Variants in GRIN2B observed in about 807,000 individuals in gnomAD.
The protein encoded by GRIN2B is glutamate receptor ionotropic, NMDA 2B.
GRIN2B carries 5 observed loss-of-function variants against 114.5 expected under a neutral mutation model. The ratio of observed to expected loss-of-function variants is 0.04; its 90% CI spans 0.02 to 0.09. The LOEUF (loss-of-function observed/expected upper bound fraction) is 0.09. Among genes scored for constraint, GRIN2B ranks in the 10% least tolerant of loss-of-function variants. The probability of loss-of-function intolerance (pLI) is 1.00; values close to 1 mark genes in which losing one functional copy is unlikely to be tolerated. For synonymous variants in GRIN2B, 787 were observed against 745.1 expected (o/e 1.06, Z -0.92); for missense variants, 1,108 against 1,943.5 (o/e 0.57, Z 8.08).
At chr12:13,684,842 C>G (rs534294610) in intron 4 of GRIN2B, among the ~76,000 whole-genome samples, 1 of 152,286 alleles carries the variant, frequency 6.6e-6, no homozygotes, top group East Asian at 1.9e-4. Context: ...TGATCACTGA[C>G]TACGTTATCT....
chr12:13,845,413 C>T (rs925521051), intron 3 of GRIN2B, among the ~76,000 whole-genome samples: 1 of 152,108 alleles, frequency 6.6e-6, no homozygotes, highest in African/African-American at 2.4e-5. Context: ...TTTCAGTTTG[C>T]CCTTGTCCTC....
chr12:13,618,144 T>C (rs944685218), intron 5 of GRIN2B, among the ~76,000 whole-genome samples: 14 of 152,230 alleles, frequency 9.2e-5, no homozygotes, highest in African/African-American at 3.4e-4. Flanking sequence ...TTTTTTCTCA[T>C]ATTGCTAAGA....
chr12:13,591,405 C>T (rs1949007598), intron 10 of GRIN2B, among the ~76,000 whole-genome samples: 1 of 152,214 alleles, frequency 6.6e-6, no homozygotes, highest in East Asian at 1.9e-4. Flanking sequence ...ATGCTTGAGG[C>T]ACTCTTCTAA....
chr12:13,625,838 C>T (rs577824939), intron 5 of GRIN2B, among the ~76,000 whole-genome samples: 19 of 152,260 alleles, frequency 1.2e-4, no homozygotes, highest in African/African-American at 3.9e-4. Flanking sequence ...TCCAAAGAGT[C>T]CCATTGAGCG....
chr12:13,616,960 T>G (rs1466040260), intron 5 of GRIN2B, among the ~76,000 whole-genome samples: 3 of 152,212 alleles, frequency 2.0e-5, no homozygotes, highest in African/African-American at 7.2e-5. Flanking sequence ...CTATCCTTCA[T>G]GAAGCTCACA....
intron 3 of GRIN2B, among the ~76,000 whole-genome samples, chr12:13,817,382 G>A (rs936655111): frequency 4.6e-5 from 7 of 152,222 alleles, no homozygotes; most frequent in East Asian, 1.9e-4. Flanking sequence ...GCAGATGCTC[G>A]GGAACTCGAC....
chr12:13,615,451 T>TAAATGA lies in GRIN2B; in HGVS notation c.1500+36_1500+41dup. Reference sequence around the variant, plus strand: ...AAACTTATATTTAGAAGAAGGAAAATAAATGAAAATGGAAATGGAAACAGC... The same window carrying TAAATGA: ...AAACTTATATTTAGAAGAAGGAAAATAAATGAAAATGAAAATGGAAATGGAAACAGC... On this transcript the variant is annotated intron_variant, in intron 7 of 13. Coordinates refer to ENST00000609686, the MANE Select transcript of GRIN2B (RefSeq NM_000834.5). This position sits in a 1 kb window ranked among gnomAD's most constrained non-coding sequence, Gnocchi z 5.8. 1 of 1,556,242 alleles carries TAAATGA rather than the reference T, an allele frequency of 6.4e-7. No homozygotes were observed. The highest frequency in any genetic ancestry group is 8.9e-7 in the Non-Finnish European group (1 of 1,127,214).
rs1266575520 is a variant in GRIN2B, at chr12:13,546,593, C to T, written c.*16190G>A. The stretch of plus-strand genomic sequence containing the variant: ...CATTTCTCAGAACCAAGCTTTTTGT[C>T]TGCTTGTCACTGAATCTATTTCCCA... On this transcript the variant is annotated 3_prime_UTR_variant, in exon 14 of 14. Coordinates refer to ENST00000609686, the MANE Select transcript of GRIN2B (RefSeq NM_000834.5). 2 of 152,010 alleles carry T rather than the reference C, an allele frequency of 1.3e-5. No individual in the cohort carries two copies. The highest frequency in any genetic ancestry group is 4.8e-5 in the African/African-American group (2 of 41,374). The allele number at this position is 152,010 out of a possible 1,614,324, so 9.4% of individuals were successfully genotyped here. A position where few individuals can be genotyped will look rare whatever the true frequency, so the allele number is the denominator to read the frequency against.
At chr12:13,954,814 A>AAAAAAAAAAAAAAAAC (rs1867557365) in intron 2 of GRIN2B, among the ~76,000 whole-genome samples, 2 of 145,610 alleles carry the variant, frequency 1.4e-5, no homozygotes, top group East Asian at 2.0e-4. Context: ...GTCTCAGGAA[A>AAAAAAAAAAAAAAAAC]AAAAAAAAAA....
chr12:13,927,549 G>A (rs1244838232), intron 2 of GRIN2B, among the ~76,000 whole-genome samples: 1 of 152,116 alleles, frequency 6.6e-6, no homozygotes, highest in African/African-American at 2.4e-5. Context: ...TAGCAGACCA[G>A]ATTTGGCCTA....
At chr12:13,672,608 CT>C (rs950368324) in intron 5 of GRIN2B, among the ~76,000 whole-genome samples, 31 of 152,164 alleles carry the variant, frequency 2.0e-4, no homozygotes, top group Non-Finnish European at 5.9e-5. Flanking sequence ...CAGGTGAGCC[CT>C]AATAGAAGCC....
chr12:13,804,658 A>G (rs943919402), intron 3 of GRIN2B, among the ~76,000 whole-genome samples: 2 of 152,106 alleles, frequency 1.3e-5, no homozygotes, highest in Non-Finnish European at 1.5e-5. Context: ...CTGATTTCCT[A>G]TATAACACTT....
chr12:13,570,810 A>T (rs906803247), intron 11 of GRIN2B, among the ~76,000 whole-genome samples: 4 of 152,224 alleles, frequency 2.6e-5, no homozygotes, highest in African/African-American at 9.6e-5. Flanking sequence ...CCTTACAGGC[A>T]ATAGAGAGGT....
At chr12:13,605,943 G>A (rs1008612874) in intron 10 of GRIN2B, among the ~76,000 whole-genome samples, 2 of 152,112 alleles carry the variant, frequency 1.3e-5, no homozygotes. Flanking sequence ...ACGGTGACAT[G>A]ATCTCACCAT....
In GRIN2B at chr12:13,605,520, GTCTC is replaced by G. The variant is rs3081918; in HGVS notation, c.2010+3079_2010+3082del. Among the ~76,000 whole-genome samples, 28 of 115,020 alleles carry G rather than the reference GTCTC, an allele frequency of 2.4e-4. No individual in the cohort carries two copies. The East Asian group carries it at 2.9e-3, about 12-fold the overall frequency. The allele number at this position is 115,020 out of a possible 152,430, so 75.5% of individuals were successfully genotyped here. On this transcript the variant is annotated intron_variant, in intron 10 of 13. Coordinates refer to ENST00000609686, the MANE Select transcript of GRIN2B (RefSeq NM_000834.5). ...GAAATTATTTGCAAAGGTCTTGAAA[GTCTC>G]TCTCTCTCTCTCTCTCTCTCTCTCT...
rs1396343881 is a variant in GRIN2B, at chr12:13,827,832, C to A, written c.411+37966G>T. On this transcript the variant is annotated intron_variant, in intron 3 of 13. Transcript: ENST00000609686. The stretch of plus-strand genomic sequence containing the variant: ...AAGTAGCTGGAACTACAGGCGCATG[C>A]CACCACTCCCGGCTAATTTTTGTAT... 5.3e-5 allele frequency among the ~76,000 whole-genome samples: 8 copies of A among 152,274 alleles called. No individual in the cohort carries two copies. In the South Asian group the frequency reaches 1.2e-3, roughly 24 times the overall value.
At chr12:13,939,336 T>C (rs932470504) in intron 2 of GRIN2B, among the ~76,000 whole-genome samples, 1 of 152,062 alleles carries the variant, frequency 6.6e-6, no homozygotes, top group Admixed American at 6.6e-5. Context: ...CTTTCATGAA[T>C]GGTTTGGTGC....
At chr12:13,646,245 C>T (rs1949760702) in intron 5 of GRIN2B, among the ~76,000 whole-genome samples, 1 of 152,160 alleles carries the variant, frequency 6.6e-6, no homozygotes, top group Non-Finnish European at 1.5e-5. Context: ...ACTCTCCTTG[C>T]TAAGCTTTTC....
At chr12:13,755,093 G>A (rs903682233) in intron 3 of GRIN2B, among the ~76,000 whole-genome samples, 6 of 152,044 alleles carry the variant, frequency 3.9e-5, no homozygotes, top group Non-Finnish European at 8.8e-5. Context: ...CCATTTTATA[G>A]CAATCCAGGC....
Sources: allele counts gnomAD v4.1 joint callset (sites outside exome capture counted in the v4.1 genomes callset), GRCh38; gene constraint gnomAD v4.1.1; non-coding constraint Gnocchi (gnomAD v3.1); transcripts MANE v1.5; gene names NCBI Gene and HGNC (gene_info 2026-07-23, HGNC 2026-07-21).